RABL3: variants seen among roughly 807,000 people sequenced by gnomAD.
The protein encoded by RABL3 is RAB, member of RAS oncogene family like 3.
Under a neutral mutation model 31.8 loss-of-function variants are expected in RABL3, and 31 were observed. The observed-to-expected ratio is 0.97, with a 90% CI of 0.73 to 1.31. The LOEUF (loss-of-function observed/expected upper bound fraction) is 1.31. Ranked by LOEUF, RABL3 falls within the 40% of genes most tolerant of loss-of-function variation. RABL3 has a pLI of 0.00. For missense variants in RABL3, 263 were observed against 279.6 expected (o/e 0.94, Z 0.42); for synonymous variants, 97 against 99.9 (o/e 0.97, Z 0.18).
At chr3:120,693,321 T>C (rs1708401261) in intron 6 of RABL3, among the ~76,000 whole-genome samples, 1 of 152,110 alleles carries the variant, frequency 6.6e-6, no homozygotes, top group South Asian at 2.1e-4. Flanking sequence ...GCTTATCCAA[T>C]GCTGAACAAA....
chr3:120,719,235 G>T (rs995457370), intron 2 of RABL3, among the ~76,000 whole-genome samples: 1 of 152,132 alleles, frequency 6.6e-6, no homozygotes, highest in Non-Finnish European at 1.5e-5. Flanking sequence ...CAGGATGGCC[G>T]AATAGGAACA....
At chr3:120,694,282 A>G (rs367764833) in intron 5 of RABL3, 58 bp from the exon 6 acceptor site, 12 of 1,118,810 alleles carry the variant, frequency 1.1e-5, no homozygotes, top group Non-Finnish European at 1.6e-5. Flanking sequence ...GCTCGTTGCT[A>G]TTCATAACTT....
intron 4 of RABL3, among the ~76,000 whole-genome samples, chr3:120,699,038 T>A (rs1708467931): frequency 6.6e-6 from 1 of 152,200 alleles, no homozygotes; most frequent in Admixed American, 6.5e-5. Context: ...GCAAGCTTCT[T>A]GGGTACCTTT....
intron 1 of RABL3, among the ~76,000 whole-genome samples, chr3:120,738,051 C>A (rs542467231): frequency 1.1e-4 from 16 of 152,286 alleles, no homozygotes; most frequent in African/African-American, 2.2e-4. Flanking sequence ...CAAAGCTGTC[C>A]GACAGGGACA....
chr3:120,707,057 A>G (rs189556777), intron 3 of RABL3, among the ~76,000 whole-genome samples: 67 of 152,318 alleles, frequency 4.4e-4, no homozygotes, highest in African/African-American at 1.5e-3. Flanking sequence ...ACCCTTTTCT[A>G]TATTACCCAG....
At position 120,709,796 on chromosome 3, in the gene RABL3, G is replaced by A. The variant is rs1226679915; in HGVS notation, c.252C>T (p.Phe84=). 1 of 1,611,062 alleles carries A rather than the reference G, an allele frequency of 6.2e-7. No homozygotes were observed. Among genetic ancestry groups the A allele is most frequent in the Admixed American group, 1.7e-5 (1 of 59,646 alleles). Residue 84 remains phenylalanine, a synonymous_variant, in exon 3 of 8, where the codon TTC becomes TTT. Coordinates refer to ENST00000273375, the MANE Select transcript of RABL3 (RefSeq NM_173825.5). The stretch of plus-strand genomic sequence containing the variant: ...ATGTTTTACCATTTACGGAGTTGTA[G>A]AATACTGCTCTTGTGCTTTTCACGC... ...ASSVKSTRAV[F]YNSVNGIIFV... is the part of the protein sequence containing the mutation.
At chr3:120,732,831 C>T (rs996576381) in intron 1 of RABL3, among the ~76,000 whole-genome samples, 3 of 151,464 alleles carry the variant, frequency 2.0e-5, no homozygotes, top group East Asian at 1.9e-4. Context: ...TTTGTCCTTG[C>T]GATAGTTTGC....
At chr3:120,731,844 G>A (rs998193234) in intron 1 of RABL3, among the ~76,000 whole-genome samples, 1 of 152,128 alleles carries the variant, frequency 6.6e-6, no homozygotes, top group Non-Finnish European at 1.5e-5. Context: ...TTGAGCCCAG[G>A]AGTTTGCGAC....
At chr3:120,740,759 T>C (rs1320330955) in intron 1 of RABL3, among the ~76,000 whole-genome samples, 1 of 152,118 alleles carries the variant, frequency 6.6e-6, no homozygotes, top group East Asian at 1.9e-4. Flanking sequence ...AAAAAGACAA[T>C]AACTAACTTT....
chr3:120,696,347 G>A (rs111452149), intron 5 of RABL3, among the ~76,000 whole-genome samples: 2,625 of 152,100 alleles, frequency 0.017, 86 homozygotes, highest in African/African-American at 0.06. Flanking sequence ...CTGAATTTCT[G>A]ATTGCTATTT....
At chr3:120,690,620 C>T (rs920489432) in intron 6 of RABL3, 133 bp from the exon 7 acceptor site, 2 of 586,416 alleles carry the variant, frequency 3.4e-6, no homozygotes, top group East Asian at 2.8e-5. Context: ...ACATGTAGTA[C>T]AGTCAGCTAA....
chr3:120,728,745 C>T (rs926855919), intron 2 of RABL3, among the ~76,000 whole-genome samples: 4 of 151,784 alleles, frequency 2.6e-5, no homozygotes, highest in Non-Finnish European at 5.9e-5. Flanking sequence ...AAAATAGGTC[C>T]GCTCCTACTT....
At chr3:120,725,003 G>A (rs1708800081) in intron 2 of RABL3, among the ~76,000 whole-genome samples, 2 of 152,130 alleles carry the variant, frequency 1.3e-5, no homozygotes, top group Admixed American at 6.5e-5. Context: ...TACCATCAGA[G>A]TGAACAGGCA....
intron 2 of RABL3, among the ~76,000 whole-genome samples, chr3:120,712,364 TTATAA>T (rs1295641385): frequency 6.6e-6 from 1 of 152,094 alleles, no homozygotes; most frequent in Non-Finnish European, 1.5e-5. Context: ...CAAAAATAAC[TTATAA>T]TATGTGATCA....
At chr3:120,728,202 A>C (rs148603158) in intron 2 of RABL3, among the ~76,000 whole-genome samples, 294 of 152,298 alleles carry the variant, frequency 1.9e-3, no homozygotes, top group African/African-American at 6.6e-3. Context: ...AAATTGGACT[A>C]AAGTTCAATT....
chr3:120,716,175 AT>A (rs1418787440), intron 2 of RABL3, among the ~76,000 whole-genome samples: 10 of 152,286 alleles, frequency 6.6e-5, no homozygotes, highest in African/African-American at 2.4e-4. Flanking sequence ...TGACAAATCA[AT>A]TTCCTTATTT....
chr3:120,689,857 C>T lies in RABL3; in HGVS notation c.677G>A (p.Gly226Glu), dbSNP rs1203854395. Reference protein sequence around the residue: ...IPGFPDRKRFGAGTLKSLHYD With the variant: ...IPGFPDRKRFEAGTLKSLHYD The stretch of plus-strand genomic sequence containing the variant: ...ATGAAGGCTCTTTAATGTTCCTGCC[C>T]CAAATCTTTTCCGATCAGGAAAGCC... Residue 226 changes from glycine (G) to glutamate (E), a missense_variant, in exon 8 of 8, where the codon GGG (glycine) becomes GAG (glutamate). By Grantham distance (98) the Gly-to-Glu change is moderately conservative. Coordinates refer to ENST00000273375, the MANE Select transcript of RABL3 (RefSeq NM_173825.5). The T allele has an allele frequency of 6.2e-7, 1 of 1,612,976 alleles. No individual in the cohort carries two copies. The highest frequency in any genetic ancestry group is 1.7e-5 in the Admixed American group (1 of 59,982).
At chr3:120,733,690 T>G (rs1559823756) in intron 1 of RABL3, among the ~76,000 whole-genome samples, 1 of 152,206 alleles carries the variant, frequency 6.6e-6, no homozygotes, top group Non-Finnish European at 1.5e-5. Context: ...TGGTTTTAGG[T>G]CTAACGTTTA....
Position 120,689,056 on chromosome 3 carries a change from T to C in RABL3, c.*767A>G, listed in dbSNP as rs1363851726. The C allele has an allele frequency of 6.6e-6, 1 of 152,160 alleles. No individual in the cohort carries two copies. Among genetic ancestry groups the C allele is most frequent in the Non-Finnish European group, 1.5e-5 (1 of 68,022 alleles). The allele number at this position is 152,160 out of a possible 1,614,324, so 9.4% of individuals were successfully genotyped here. ...ACTGCCCTTGTGCAGGTCTTAGATT[T>C]TACCCTACCTATTTCCAAACAGAAA... On this transcript the variant is annotated 3_prime_UTR_variant, in exon 8 of 8. Transcript: ENST00000273375.
Sources: allele counts gnomAD v4.1 joint callset (sites outside exome capture counted in the v4.1 genomes callset), GRCh38; gene constraint gnomAD v4.1.1; transcripts MANE v1.5; gene names NCBI Gene and HGNC (gene_info 2026-07-23, HGNC 2026-07-21).